Variants in MYO1E observed in about 807,000 individuals in gnomAD.
MYO1E encodes the protein myosin IE.
A neutral mutation model predicts 151.1 loss-of-function variants in MYO1E; 68 were observed. The observed-to-expected ratio is 0.45, with a 90% confidence interval of 0.37 to 0.55. The LOEUF (loss-of-function observed/expected upper bound fraction) is 0.55, where lower values mean the gene tolerates loss of function less well. MYO1E is among the 20% of genes least tolerant of loss of function. MYO1E has a pLI of 0.00. For synonymous variants in MYO1E, 601 were observed against 501.7 expected, an observed-to-expected ratio of 1.20 and a Z score of -2.64; for missense variants, 1,363 against 1,389.3, an observed-to-expected ratio of 0.98 and a Z score of 0.30.
At chr15:59,253,505 C>T (rs1318680812) in intron 4 of MYO1E, among the ~76,000 whole-genome samples, 1 of 110,988 alleles carries the variant, frequency 9.0e-6, no homozygotes, top group Non-Finnish European at 1.7e-5. Flanking sequence ...TTTTTTGAGA[C>T]AGAGTCTCAC....
At chr15:59,272,226 G>A in intron 2 of MYO1E, 80 bp downstream of exon 2, 1 of 1,537,716 alleles carries the variant, frequency 6.5e-7, no homozygotes, top group Non-Finnish European at 9.0e-7. Context: ...GTGAGCCACT[G>A]CACCCAGCAT....
chr15:59,354,284 G>GTGGATGGC (rs1253058052), intron 1 of MYO1E, among the ~76,000 whole-genome samples: 1 of 152,212 alleles, frequency 6.6e-6, no homozygotes, highest in African/African-American at 2.4e-5. Context: ...TCTAGCACAG[G>GTGGATGGC]TGGATGGCAC....
chr15:59,135,041 A>G lies in MYO1E; in HGVS notation c.*2339T>C, dbSNP rs892807086. ...TTAAGATAAACCACTATTTCTCCAA[A>G]CTTTTCTTAATAGTGTCAGCATTTC... is the stretch of plus-strand genomic sequence containing the variant. On this transcript the variant is annotated 3_prime_UTR_variant, in exon 28 of 28. Coordinates refer to ENST00000288235, the MANE Select transcript of MYO1E (RefSeq NM_004998.4). The G allele has an allele frequency of 6.6e-6, 1 of 152,220 alleles. No individual in the cohort carries two copies. The highest frequency in any genetic ancestry group is 1.5e-5 in the Non-Finnish European group (1 of 68,048). The allele number at this position is 152,220 out of a possible 1,614,324, so 9.4% of individuals were successfully genotyped here. A position where few individuals can be genotyped will look rare whatever the true frequency, so the allele number is the denominator to read the frequency against.
intron 3 of MYO1E, among the ~76,000 whole-genome samples, chr15:59,257,522 G>T (rs7171922): frequency 0.98 from 149,352 of 152,330 alleles, 73,283 homozygotes; most frequent in Non-Finnish European, 1. Flanking sequence ...GAAGCTTAAC[G>T]TACTTAATCC....
intron 25 of MYO1E, among the ~76,000 whole-genome samples, chr15:59,155,687 A>G (rs545022419): frequency 9.1e-4 from 138 of 152,278 alleles, no homozygotes; most frequent in African/African-American, 3.2e-3. Flanking sequence ...GCTTCTCTTA[A>G]GTTCCTTTGT....
chr15:59,310,771 C>T (rs1371806655), intron 1 of MYO1E, among the ~76,000 whole-genome samples: 2 of 152,070 alleles, frequency 1.3e-5, no homozygotes, highest in Non-Finnish European at 2.9e-5. Context: ...ATGAAACAAG[C>T]CTTCGTGCCC....
At position 59,267,094 on chromosome 15, in the gene MYO1E, C is replaced by T. The variant is rs529566076; in HGVS notation, c.147+5212G>A. On this transcript the variant is annotated intron_variant, in intron 2 of 27. Transcript: ENST00000288235. ...AGGCCGGAGTGCAGTGGTGCAATCT[C>T]GGCTCACTGCAACCTCCGCCTCCCG... 2.2e-3 allele frequency among the ~76,000 whole-genome samples: 270 copies of T among 124,288 alleles called. 2 individuals carry two copies. Among genetic ancestry groups the T allele is most frequent in the Non-Finnish European group, 3.6e-3 (227 of 62,512 alleles). The allele number at this position is 124,288 out of a possible 152,430, so 81.5% of individuals were successfully genotyped here. A position where few individuals can be genotyped will look rare whatever the true frequency, so the allele number is the denominator to read the frequency against.
At chr15:59,282,983 G>A (rs1288424584) in intron 1 of MYO1E, among the ~76,000 whole-genome samples, 1 of 101,840 alleles carries the variant, frequency 9.8e-6, no homozygotes, top group Non-Finnish European at 2.0e-5. Context: ...AAAGGGGAAA[G>A]GGGAAAGGGG....
At chr15:59,258,968 TTG>T (rs2080210160) in intron 3 of MYO1E, among the ~76,000 whole-genome samples, 1 of 151,986 alleles carries the variant, frequency 6.6e-6, no homozygotes, top group South Asian at 2.1e-4. Flanking sequence ...TTTTTTGTTT[TTG>T]TTTTTAAATA....
intron 23 of MYO1E, among the ~76,000 whole-genome samples, chr15:59,161,971 T>C (rs778782008): frequency 9.2e-5 from 14 of 152,210 alleles, no homozygotes; most frequent in Admixed American, 6.5e-5. Flanking sequence ...CTTATTTTTG[T>C]AGCTAGGAAA....
At chr15:59,140,544 T>TA (rs1395015784) in intron 26 of MYO1E, among the ~76,000 whole-genome samples, 1 of 152,192 alleles carries the variant, frequency 6.6e-6, no homozygotes, top group Non-Finnish European at 1.5e-5. Context: ...GGCTGGCTGT[T>TA]AGGTCTGTGC....
At chr15:59,293,006 G>C (rs976915564) in intron 1 of MYO1E, among the ~76,000 whole-genome samples, 1 of 152,266 alleles carries the variant, frequency 6.6e-6, no homozygotes, top group African/African-American at 2.4e-5. Context: ...TGCTGGGCTG[G>C]GGAAGCCACT....
intron 14 of MYO1E, chr15:59,207,512 T>G: frequency 6.2e-7 from 1 of 1,614,048 alleles, no homozygotes; most frequent in South Asian, 1.1e-5. Context: ...CCAGTGGATA[T>G]CTTAACTTAT....
At chr15:59,180,645 C>A (rs1483723133) in intron 18 of MYO1E, among the ~76,000 whole-genome samples, 1 of 151,782 alleles carries the variant, frequency 6.6e-6, no homozygotes, top group Non-Finnish European at 1.5e-5. Flanking sequence ...TGGGAATTGC[C>A]TGGGGCTTCC....
chr15:59,190,423 A>G (rs1235990038), intron 17 of MYO1E, among the ~76,000 whole-genome samples: 2 of 152,214 alleles, frequency 1.3e-5, no homozygotes, highest in Non-Finnish European at 2.9e-5. Flanking sequence ...CAGGTTCCCA[A>G]CAGCTGTCTT....
At chr15:59,219,435 T>TA (rs1290229024) in intron 9 of MYO1E, among the ~76,000 whole-genome samples, 4 of 152,212 alleles carry the variant, frequency 2.6e-5, no homozygotes, top group South Asian at 2.1e-4. Context: ...ATGATAATGC[T>TA]AAAAAATCAC....
At chr15:59,185,809 C>T (rs1192115089) in intron 18 of MYO1E, among the ~76,000 whole-genome samples, 8 of 152,192 alleles carry the variant, frequency 5.3e-5, no homozygotes, top group African/African-American at 1.2e-4. Flanking sequence ...TGCCTGGATA[C>T]GCTTTTGGAT....
chr15:59,355,200 T>C (rs2080846536), intron 1 of MYO1E, among the ~76,000 whole-genome samples: 1 of 152,170 alleles, frequency 6.6e-6, no homozygotes, highest in African/African-American at 2.4e-5. Context: ...AGTGTCCCTC[T>C]CCGTCGTGAC....
chr15:59,217,965 C>G lies in MYO1E; in HGVS notation c.1033G>C (p.Val345Leu). The change falls in exon 10 of 28, where the codon GTA becomes CTA. Residue 345 changes from valine to leucine, a missense_variant. Val to Leu is a conservative substitution (Grantham distance 32). Transcript: ENST00000288235. ...TCCCGGGTGTAACAGGCCTGCTCTA[C>G]GTTGAGGGTCACGTGGATGGATTCG... ...KSESIHVTLN[V>L]EQACYTRDAL... The G allele has an allele frequency of 6.2e-7, 1 of 1,614,208 alleles. No homozygotes were observed. Among genetic ancestry groups the G allele is most frequent in the Non-Finnish European group, 8.5e-7 (1 of 1,180,030 alleles).
Sources: allele counts gnomAD v4.1 joint callset (sites outside exome capture counted in the v4.1 genomes callset), GRCh38; gene constraint gnomAD v4.1.1; transcripts MANE v1.5; gene names NCBI Gene and HGNC (gene_info 2026-07-23, HGNC 2026-07-21).